The following EXOC2 variants were observed in gnomAD, a reference collection of about 807,000 sequenced individuals.
EXOC2 encodes the protein SEC5-like 1.
A neutral mutation model predicts 131.8 loss-of-function variants in EXOC2; 70 were observed. The observed-to-expected ratio is 0.53, with a 90% CI of 0.44 to 0.65. The LOEUF (loss-of-function observed/expected upper bound fraction) is 0.65, where lower values mean the gene tolerates loss of function less well. EXOC2 is among the 30% of genes least tolerant of loss of function. The probability of loss-of-function intolerance (pLI) is 0.00; values close to 1 mark genes in which losing one functional copy is unlikely to be tolerated. For synonymous variants in EXOC2, 411 were observed against 398.4 expected, an observed-to-expected ratio of 1.03 and a Z score of -0.38; for missense variants, 923 against 1,108.6, an observed-to-expected ratio of 0.83 and a Z score of 2.38.
At chr6:690,009 G>A (rs754280241) in intron 1 of EXOC2, among the ~76,000 whole-genome samples, 2 of 152,214 alleles carry the variant, frequency 1.3e-5, no homozygotes, top group Non-Finnish European at 2.9e-5. Context: ...CCAAGGACCA[G>A]TGTATAGTTG....
chr6:615,488 G>C (rs189788706), intron 6 of EXOC2, among the ~76,000 whole-genome samples: 6 of 152,272 alleles, frequency 3.9e-5, no homozygotes, highest in Non-Finnish European at 8.8e-5. Flanking sequence ...AATTCAGAGT[G>C]GGGGATATCT....
chr6:616,615 A>AAAAAAC (rs1761024097), intron 6 of EXOC2, among the ~76,000 whole-genome samples: 1 of 151,164 alleles, frequency 6.6e-6, no homozygotes, highest in Non-Finnish European at 1.5e-5. Context: ...AAAAAAAAAA[A>AAAAAAC]AAAAAAAACT....
chr6:497,999 C>G (rs927874319), intron 24 of EXOC2, among the ~76,000 whole-genome samples: 1 of 152,152 alleles, frequency 6.6e-6, no homozygotes, highest in Non-Finnish European at 1.5e-5. Context: ...TTTTATTTGA[C>G]TTACATTATT....
intron 3 of EXOC2, 120 bp from the exon 4 acceptor site, chr6:630,081 A>G: frequency 1.6e-6 from 2 of 1,236,442 alleles, no homozygotes; most frequent in Non-Finnish European, 2.2e-6. Context: ...ATAATCTTTA[A>G]GAGATTTGAG....
At chr6:688,461 C>T (rs1269567126) in intron 1 of EXOC2, among the ~76,000 whole-genome samples, 1 of 152,234 alleles carries the variant, frequency 6.6e-6, no homozygotes, top group African/African-American at 2.4e-5. Context: ...ACTGAGCACA[C>T]TGGCATGACA....
intron 27 of EXOC2, among the ~76,000 whole-genome samples, chr6:488,646 T>A (rs1430863592): frequency 6.6e-6 from 1 of 152,202 alleles, no homozygotes; most frequent in African/African-American, 2.4e-5. Flanking sequence ...CATTACTTCT[T>A]ATGTATGCTA....
In EXOC2 at chr6:521,966, A is replaced by G. The variant is rs376242409; in HGVS notation, c.2380+10503T>C. The stretch of plus-strand genomic sequence containing the variant: ...CTTTCTGTTGAAAATAACTATTAAT[A>G]TAAAAAACCCAAGGGTAAATTTCGT... On this transcript the variant is annotated intron_variant, in intron 23 of 27. Coordinates refer to ENST00000230449, the MANE Select transcript of EXOC2 (RefSeq NM_018303.6). Among the ~76,000 whole-genome samples the G allele has an allele frequency of 1.2e-4, 19 of 152,374 alleles. No homozygotes were observed. In the East Asian group the frequency reaches 2.9e-3, roughly 23 times the overall value.
At chr6:614,063 C>T (rs1342485072) in intron 6 of EXOC2, among the ~76,000 whole-genome samples, 3 of 151,880 alleles carry the variant, frequency 2.0e-5, no homozygotes, top group Non-Finnish European at 2.9e-5. Flanking sequence ...TATTATGCAC[C>T]AAAGAATTTA....
intron 6 of EXOC2, among the ~76,000 whole-genome samples, chr6:616,602 C>CA (rs70985805): frequency 0.1 from 7,225 of 69,496 alleles, 1,087 homozygotes; most frequent in African/African-American, 0.22. Context: ...AACTCCGTCT[C>CA]AAAAAAAAAA....
At chr6:494,763 C>G (rs1365309619) in intron 25 of EXOC2, among the ~76,000 whole-genome samples, 1 of 152,162 alleles carries the variant, frequency 6.6e-6, no homozygotes, top group Non-Finnish European at 1.5e-5. Context: ...TGTGCTGTAT[C>G]AGTAATTTAT....
At position 538,795 on chromosome 6, in the gene EXOC2, C is replaced by T. The variant is rs532181698; in HGVS notation, c.2239-6185G>A. On this transcript the variant is annotated intron_variant, in intron 22 of 27. Transcript: ENST00000230449. ...CCACTGTAAGTAGAAAATATCTGGC[C>T]GGGCACAGTGGCTCACGCCTATAAT... Among the ~76,000 whole-genome samples, 336 of 152,260 alleles carry T rather than the reference C, an allele frequency of 2.2e-3. 2 individuals carry two copies. Among genetic ancestry groups the T allele is most frequent in the African/African-American group, 7.5e-3 (312 of 41,546 alleles).
In EXOC2 at chr6:556,517, C is replaced by G. The variant is rs767585659; in HGVS notation, c.1899G>C (p.Lys633Asn). ...CTCCCGGCTTGCACTCCAGAACCCC[C>G]TTCAGTGACTGCAGAGAACACACGA... ...QCIVCSLQSL[K>N]GVLECKPGEA... Residue 633 changes from lysine to asparagine, a missense_variant, in exon 18 of 28, where the codon AAG becomes AAC. Lys to Asn is a moderately conservative substitution (Grantham distance 94). Transcript: ENST00000230449. 5 of 1,614,040 alleles carry G rather than the reference C, an allele frequency of 3.1e-6. No homozygotes were observed. Among genetic ancestry groups the G allele is most frequent in the African/African-American group, 2.7e-5 (2 of 74,920 alleles).
At position 622,950 on chromosome 6, in the gene EXOC2, T is replaced by C. The variant is rs554999619; in HGVS notation, c.423-3407A>G. The stretch of plus-strand genomic sequence containing the variant: ...TATCATAACATAAAGGCCTGATGTC[T>C]AGTGGAGGGCTCCAGGAGAGGGACT... On this transcript the variant is annotated intron_variant, in intron 4 of 27. Transcript: ENST00000230449. Among the ~76,000 whole-genome samples, 4 of 152,370 alleles carry C rather than the reference T, an allele frequency of 2.6e-5. No homozygotes were observed. In the South Asian group the frequency reaches 8.3e-4, roughly 32 times the overall value.
chr6:601,086 T>C (rs1425438666), intron 7 of EXOC2, among the ~76,000 whole-genome samples: 2 of 152,176 alleles, frequency 1.3e-5, no homozygotes, highest in South Asian at 4.1e-4. Context: ...TCTTTAGGGC[T>C]ACTAATAAGA....
chr6:673,185 C>T (rs942750267), intron 1 of EXOC2, among the ~76,000 whole-genome samples: 1 of 134,910 alleles, frequency 7.4e-6, no homozygotes, highest in Non-Finnish European at 1.5e-5. Context: ...TCACTTGAAT[C>T]TGGGTTGCAG....
chr6:532,688 CT>C, intron 22 of EXOC2, 78 bp from the exon 23 acceptor site: 1 of 1,269,796 alleles, frequency 7.9e-7, no homozygotes, highest in Non-Finnish European at 1.0e-6. Context: ...ACAATAAATA[CT>C]TCAGACTATA....
At chr6:656,873 C>T (rs772169551) in intron 1 of EXOC2, 4 of 1,605,544 alleles carry the variant, frequency 2.5e-6, no homozygotes, top group Admixed American at 1.7e-5. Context: ...TCGCTAGCCT[C>T]GCGACGGTGC....
chr6:639,038 T>G (rs1762234487), intron 1 of EXOC2, among the ~76,000 whole-genome samples: 1 of 152,126 alleles, frequency 6.6e-6, no homozygotes, highest in Non-Finnish European at 1.5e-5. Flanking sequence ...ACAGTGAGAC[T>G]TGCTGGTGAC....
intron 13 of EXOC2, among the ~76,000 whole-genome samples, 176 bp downstream of exon 13, chr6:572,344 G>A (rs1424937990): frequency 2.0e-5 from 3 of 152,158 alleles, no homozygotes; most frequent in Admixed American, 1.3e-4. Context: ...TGACTTGTTC[G>A]AGGTCACACA....
Sources: allele counts gnomAD v4.1 joint callset (sites outside exome capture counted in the v4.1 genomes callset), GRCh38; gene constraint gnomAD v4.1.1; transcripts MANE v1.5; gene names NCBI Gene and HGNC (gene_info 2026-07-23, HGNC 2026-07-21).